MAGI2: variants seen among roughly 807,000 people sequenced by gnomAD.
MAGI2 encodes the protein membrane-associated guanylate kinase, WW and PDZ domain-containing protein 2.
In MAGI2, 35 loss-of-function variants were observed where a neutral mutation model predicts 133.3. The ratio of observed to expected loss-of-function variants is 0.26; its 90% confidence interval spans 0.20 to 0.35. MAGI2 has a LOEUF of 0.35. Among genes scored for constraint, MAGI2 ranks in the 10% least tolerant of loss-of-function variants. The probability of loss-of-function intolerance (pLI) is 1.00; values close to 1 mark genes in which losing one functional copy is unlikely to be tolerated. For synonymous variants in MAGI2, 729 were observed against 710.6 expected, an observed-to-expected ratio of 1.03 and a Z score of -0.41; for missense variants, 1,636 against 1,863.4, an observed-to-expected ratio of 0.88 and a Z score of 2.25.
intron 1 of MAGI2, among the ~76,000 whole-genome samples, chr7:79,345,925 G>T (rs1481032886): frequency 6.6e-6 from 1 of 151,970 alleles, no homozygotes; most frequent in Non-Finnish European, 1.5e-5. Context: ...ATGTGAAGAG[G>T]CGTATTAAAT....
intron 6 of MAGI2, among the ~76,000 whole-genome samples, chr7:78,387,858 G>A (rs1795531222): frequency 1.3e-5 from 2 of 152,010 alleles, no homozygotes; most frequent in South Asian, 2.1e-4. Flanking sequence ...CCCAGGAGGC[G>A]GAGGTTGCAG....
intron 13 of MAGI2, among the ~76,000 whole-genome samples, chr7:78,181,696 A>G (rs1253792730): frequency 6.6e-6 from 1 of 152,238 alleles, no homozygotes; most frequent in African/African-American, 2.4e-5. Flanking sequence ...TACTGAAATG[A>G]AATTTAGAAG....
In MAGI2 at chr7:78,707,594, A is replaced by G. The variant is rs1818781996; in HGVS notation, c.419-80355T>C. Among the ~76,000 whole-genome samples, 3 of 152,198 alleles carry G rather than the reference A, an allele frequency of 2.0e-5. No individual in the cohort carries two copies. The South Asian group carries it at 6.2e-4, about 31-fold the overall frequency. On this transcript the variant is annotated intron_variant, in intron 2 of 21. Coordinates refer to ENST00000354212, the MANE Select transcript of MAGI2 (RefSeq NM_012301.4). The stretch of plus-strand genomic sequence containing the variant: ...GATTCAAATACAAATAGTTTAACAG[A>G]TTGTATTTTATGTGTATGTGTTTTC...
chr7:79,002,910 G>A (rs919526671), intron 2 of MAGI2, among the ~76,000 whole-genome samples: 1 of 129,292 alleles, frequency 7.7e-6, no homozygotes, highest in African/African-American at 2.8e-5. Context: ...TTGTTTGCTT[G>A]TTTTTTTTTT....
intron 1 of MAGI2, among the ~76,000 whole-genome samples, chr7:79,008,009 C>T (rs999366456): frequency 1.3e-5 from 2 of 151,646 alleles, no homozygotes; most frequent in Admixed American, 6.6e-5. Flanking sequence ...CTATCAAATA[C>T]TTATTTGATA....
intron 2 of MAGI2, among the ~76,000 whole-genome samples, chr7:78,736,039 T>G (rs1320569294): frequency 6.6e-6 from 1 of 152,144 alleles, no homozygotes; most frequent in Non-Finnish European, 1.5e-5. Context: ...CAAGATCTAA[T>G]AGGAAGAAGA....
chr7:78,863,824 C>T (rs1036692826), intron 2 of MAGI2, among the ~76,000 whole-genome samples: 3 of 152,206 alleles, frequency 2.0e-5, no homozygotes, highest in Non-Finnish European at 4.4e-5. Flanking sequence ...TGTTTATCCA[C>T]TTTTATCTTA....
At chr7:78,920,019 C>T (rs1799105839) in intron 2 of MAGI2, among the ~76,000 whole-genome samples, 1 of 152,064 alleles carries the variant, frequency 6.6e-6, no homozygotes, top group African/African-American at 2.4e-5. Flanking sequence ...ACAAGAAGTT[C>T]CATTGCTTCC....
chr7:78,922,971 T>G (rs372802648), intron 2 of MAGI2, among the ~76,000 whole-genome samples: 1 of 152,050 alleles, frequency 6.6e-6, no homozygotes, highest in Non-Finnish European at 1.5e-5. Flanking sequence ...TCATGTGTCT[T>G]TTGGCTGCAT....
At chr7:78,628,359 T>C (rs1808598734) in intron 2 of MAGI2, among the ~76,000 whole-genome samples, 1 of 152,150 alleles carries the variant, frequency 6.6e-6, no homozygotes, top group Non-Finnish European at 1.5e-5. Flanking sequence ...CTCCCCCATA[T>C]TGTCTATATG....
At chr7:78,827,532 T>C (rs543218747) in intron 2 of MAGI2, among the ~76,000 whole-genome samples, 61 of 152,120 alleles carry the variant, frequency 4.0e-4, no homozygotes, top group Non-Finnish European at 7.8e-4. Context: ...CCGCCTTGGG[T>C]TCCTAATGTG....
intron 7 of MAGI2, among the ~76,000 whole-genome samples, chr7:78,346,679 G>A (rs1316124057): frequency 1.3e-5 from 2 of 152,158 alleles, no homozygotes; most frequent in African/African-American, 4.8e-5. Context: ...AGCAACTGTT[G>A]CCCAGCTAAA....
At chr7:78,832,836 G>C (rs970617738) in intron 2 of MAGI2, among the ~76,000 whole-genome samples, 1 of 152,188 alleles carries the variant, frequency 6.6e-6, no homozygotes, top group African/African-American at 2.4e-5. Flanking sequence ...ATGAATGGAC[G>C]TGCAGTCAGG....
intron 6 of MAGI2, among the ~76,000 whole-genome samples, chr7:78,380,642 ATAGT>A (rs1794839548): frequency 6.6e-6 from 1 of 152,168 alleles, no homozygotes; most frequent in Non-Finnish European, 1.5e-5. Context: ...GTACAAAAAT[ATAGT>A]TAGATAGAAT....
At chr7:79,326,865 C>T (rs767226198) in intron 1 of MAGI2, among the ~76,000 whole-genome samples, 2 of 152,002 alleles carry the variant, frequency 1.3e-5, no homozygotes, top group Admixed American at 6.6e-5. Context: ...GGCATGATGA[C>T]GATAAATACT....
At chr7:78,140,353 T>C (rs1399693564) in intron 16 of MAGI2, among the ~76,000 whole-genome samples, 4 of 152,254 alleles carry the variant, frequency 2.6e-5, no homozygotes, top group Non-Finnish European at 5.9e-5. Context: ...CTGTGACTCA[T>C]GTTTACATTT....
intron 1 of MAGI2, among the ~76,000 whole-genome samples, chr7:79,028,834 G>T (rs979575786): frequency 3.2e-4 from 49 of 152,030 alleles, no homozygotes; most frequent in Non-Finnish European, 1.9e-4. Flanking sequence ...GGACTGATAA[G>T]CTATTGTCTT....
chr7:79,287,157 A>C (rs1462778894), intron 1 of MAGI2, among the ~76,000 whole-genome samples: 1 of 152,088 alleles, frequency 6.6e-6, no homozygotes, highest in Non-Finnish European at 1.5e-5. Context: ...TTTATTTAAA[A>C]TATGCAATCT....
intron 1 of MAGI2, among the ~76,000 whole-genome samples, chr7:79,216,108 G>A (rs113146769): frequency 4.0e-5 from 6 of 151,732 alleles, no homozygotes; most frequent in Non-Finnish European, 8.8e-5. Context: ...TCAAACCCAA[G>A]GCTCCATAAG....
Sources: allele counts gnomAD v4.1 joint callset (sites outside exome capture counted in the v4.1 genomes callset), GRCh38; gene constraint gnomAD v4.1.1; transcripts MANE v1.5; gene names NCBI Gene and HGNC (gene_info 2026-07-23, HGNC 2026-07-21).